OTUD7A: variants seen among roughly 807,000 people sequenced by gnomAD.
OTUD7A encodes the protein OTU domain-containing protein 7A.
Under a neutral mutation model 65.7 loss-of-function variants are expected in OTUD7A, and 12 were observed. The observed-to-expected ratio is 0.18, with a 90% CI of 0.12 to 0.30. The LOEUF (loss-of-function observed/expected upper bound fraction) is 0.30. OTUD7A is among the 10% of genes least tolerant of loss of function. The pLI is 1.00. For missense variants in OTUD7A, 1,148 were observed against 1,304.8 expected, an observed-to-expected ratio of 0.88 and a Z score of 1.85; for synonymous variants, 641 against 586.3, an observed-to-expected ratio of 1.09 and a Z score of -1.35.
intron 1 of OTUD7A, among the ~76,000 whole-genome samples, chr15:31,734,184 A>C (rs1894122741): frequency 6.6e-6 from 1 of 152,212 alleles, no homozygotes; most frequent in African/African-American, 2.4e-5. Context: ...ATACCAAGGA[A>C]TACAGCTAAC....
At chr15:31,789,699 T>C (rs1445015769) in intron 1 of OTUD7A, among the ~76,000 whole-genome samples, 6 of 133,626 alleles carry the variant, frequency 4.5e-5, no homozygotes, top group Middle Eastern at 3.9e-3. Context: ...GGAAATCCAA[T>C]GCTGCCCTTT....
chr15:31,664,166 C>A (rs1479339277), intron 1 of OTUD7A, among the ~76,000 whole-genome samples: 5 of 152,140 alleles, frequency 3.3e-5, no homozygotes, highest in Admixed American at 6.5e-5. Flanking sequence ...ATAATGATTT[C>A]TTTTCCTCTG....
intron 1 of OTUD7A, among the ~76,000 whole-genome samples, chr15:31,810,792 A>G (rs551492181): frequency 4.6e-5 from 7 of 152,210 alleles, no homozygotes; most frequent in Non-Finnish European, 8.8e-5. Flanking sequence ...CACTACAAGG[A>G]CTAGGCTGGC....
At chr15:31,647,339 G>A (rs542655389) in intron 3 of OTUD7A, among the ~76,000 whole-genome samples, 1 of 152,344 alleles carries the variant, frequency 6.6e-6, no homozygotes, top group South Asian at 2.1e-4. Flanking sequence ...TGCTAAATCA[G>A]TGGCATGTGC....
At chr15:31,566,610 T>C (rs1888882463) in intron 4 of OTUD7A, among the ~76,000 whole-genome samples, 1 of 152,152 alleles carries the variant, frequency 6.6e-6, no homozygotes, top group Non-Finnish European at 1.5e-5. Flanking sequence ...AATCTCAAGT[T>C]GAAATGTGAT....
intron 1 of OTUD7A, among the ~76,000 whole-genome samples, chr15:31,821,655 T>C (rs373879782): frequency 2.6e-5 from 4 of 152,208 alleles, no homozygotes; most frequent in Admixed American, 6.5e-5. Context: ...CTGGGTCATA[T>C]GGAAATTCTA....
chr15:31,805,494 T>C lies in OTUD7A; in HGVS notation c.-100+65013A>G, dbSNP rs555788139. The stretch of plus-strand genomic sequence containing the variant: ...TATCCACCCCAAAAGATAACTTCCC[T>C]GTCTGCACAGGGCCAGAGAGAATAT... On this transcript the variant is annotated intron_variant, in intron 1 of 12. Coordinates refer to ENST00000307050, the MANE Select transcript of OTUD7A (RefSeq NM_001382637.1). 8.5e-5 allele frequency among the ~76,000 whole-genome samples: 13 copies of C among 152,320 alleles called. 1 individual carries two copies. In the South Asian group the frequency reaches 2.7e-3, roughly 32 times the overall value.
chr15:31,638,153 A>C (rs1243220948), intron 3 of OTUD7A, among the ~76,000 whole-genome samples: 2 of 152,238 alleles, frequency 1.3e-5, no homozygotes, highest in Middle Eastern at 3.4e-3. Flanking sequence ...TATTTTAAGA[A>C]ATTGTCACAG....
At chr15:31,584,778 C>T (rs1198949006) in intron 3 of OTUD7A, among the ~76,000 whole-genome samples, 1 of 152,192 alleles carries the variant, frequency 6.6e-6, no homozygotes, top group African/African-American at 2.4e-5. Flanking sequence ...AAAAGGGTCA[C>T]AGACACGTCA....
intron 3 of OTUD7A, among the ~76,000 whole-genome samples, chr15:31,605,720 C>T (rs905994432): frequency 6.6e-6 from 1 of 152,242 alleles, no homozygotes; most frequent in African/African-American, 2.4e-5. Flanking sequence ...TCAGGCCACA[C>T]AGACTGTTGG....
At chr15:31,574,909 C>T (rs980550984) in intron 3 of OTUD7A, among the ~76,000 whole-genome samples, 2 of 152,142 alleles carry the variant, frequency 1.3e-5, no homozygotes, top group African/African-American at 4.8e-5. Flanking sequence ...TCAGGACAGC[C>T]CCTCCACTTT....
chr15:31,602,580 C>A (rs1237018209), intron 3 of OTUD7A, among the ~76,000 whole-genome samples: 4 of 152,092 alleles, frequency 2.6e-5, no homozygotes, highest in African/African-American at 9.7e-5. Flanking sequence ...TCCTATTCAA[C>A]ATAGTATTGG....
intron 1 of OTUD7A, among the ~76,000 whole-genome samples, chr15:31,787,227 A>G (rs1289637896): frequency 1.3e-5 from 2 of 152,218 alleles, no homozygotes; most frequent in Non-Finnish European, 1.5e-5. Flanking sequence ...CTTGATGGTT[A>G]TAAGAAGCAT....
chr15:31,742,546 T>A (rs1343839192), intron 1 of OTUD7A, among the ~76,000 whole-genome samples: 1 of 152,130 alleles, frequency 6.6e-6, no homozygotes, highest in Non-Finnish European at 1.5e-5. Context: ...TTGTTCATAT[T>A]TGTAACATGT....
chr15:31,674,751 C>A (rs7179038), intron 1 of OTUD7A, among the ~76,000 whole-genome samples: 8,642 of 152,208 alleles, frequency 0.057, 836 homozygotes, highest in African/African-American at 0.2. Flanking sequence ...AAGAGACAGG[C>A]TTAAATGGAA....
At chr15:31,654,587 A>G (rs1177459792) in intron 3 of OTUD7A, among the ~76,000 whole-genome samples, 1 of 152,206 alleles carries the variant, frequency 6.6e-6, no homozygotes, top group Non-Finnish European at 1.5e-5. Context: ...CATCAGAAAA[A>G]AAAAAGAAAG....
chr15:31,543,380 A>AATGTG (rs1888040375), intron 5 of OTUD7A, among the ~76,000 whole-genome samples: 1 of 151,922 alleles, frequency 6.6e-6, no homozygotes, highest in African/African-American at 2.4e-5. Context: ...TAAGGAGAGA[A>AATGTG]TAAACACCAC....
intron 1 of OTUD7A, among the ~76,000 whole-genome samples, chr15:31,792,402 G>C (rs1284949844): frequency 2.0e-5 from 3 of 151,984 alleles, no homozygotes; most frequent in African/African-American, 7.3e-5. Context: ...AGGCTCACAG[G>C]ACCTCCACCT....
chr15:31,608,424 T>C (rs966038614), intron 3 of OTUD7A, among the ~76,000 whole-genome samples: 2 of 152,114 alleles, frequency 1.3e-5, no homozygotes, highest in Non-Finnish European at 2.9e-5. Flanking sequence ...GAAAATATTG[T>C]TTGAAGCAGA....
Sources: allele counts gnomAD v4.1 joint callset (sites outside exome capture counted in the v4.1 genomes callset), GRCh38; gene constraint gnomAD v4.1.1; transcripts MANE v1.5; gene names NCBI Gene and HGNC (gene_info 2026-07-23, HGNC 2026-07-21).